TTC27: variants seen among roughly 807,000 people sequenced by gnomAD.
The protein encoded by TTC27 is tetratricopeptide repeat protein 27.
A neutral mutation model predicts 115.9 loss-of-function variants in TTC27; 79 were observed. That is an observed-to-expected ratio of 0.68 (90% CI 0.57 to 0.82). The LOEUF (loss-of-function observed/expected upper bound fraction) is 0.82. TTC27 is among the 40% of genes least tolerant of loss of function. The pLI is 0.00. For missense variants in TTC27, 1,054 were observed against 993.1 expected (o/e 1.06, Z -0.82); for synonymous variants, 401 against 356.0 (o/e 1.13, Z -1.42).
chr2:32,666,577 T>G, intron 6 of TTC27, 58 bp from the exon 7 acceptor site: 1 of 1,573,132 alleles, frequency 6.4e-7, no homozygotes, highest in Admixed American at 1.8e-5. Context: ...TTACTCTTCA[T>G]GACTGTACAG....
chr2:32,685,756 A>G (rs1666607299), intron 9 of TTC27, among the ~76,000 whole-genome samples: 1 of 152,362 alleles, frequency 6.6e-6, no homozygotes, highest in Middle Eastern at 3.4e-3. Flanking sequence ...AGCTAAAATC[A>G]TTATTGGTGA....
chr2:32,643,571 T>C (rs2151865287), intron 4 of TTC27, among the ~76,000 whole-genome samples: 1 of 152,046 alleles, frequency 6.6e-6, no homozygotes, highest in South Asian at 2.1e-4. Flanking sequence ...CCTTCCAAAG[T>C]GCTAGGATTA....
At chr2:32,789,406 G>A (rs1301928862) in intron 16 of TTC27, among the ~76,000 whole-genome samples, 2 of 152,144 alleles carry the variant, frequency 1.3e-5, no homozygotes, top group East Asian at 3.8e-4. Flanking sequence ...ATGTTTAGAT[G>A]ATACTTCTGT....
intron 13 of TTC27, among the ~76,000 whole-genome samples, chr2:32,761,084 G>A (rs1558329991): frequency 6.6e-6 from 1 of 151,978 alleles, no homozygotes; most frequent in Admixed American, 6.6e-5. Flanking sequence ...CTGCTTACGC[G>A]ATCTCCCCAT....
intron 16 of TTC27, 118 bp downstream of exon 16, chr2:32,787,267 G>A (rs1402759376): frequency 9.0e-7 from 1 of 1,111,988 alleles, no homozygotes; most frequent in Non-Finnish European, 1.3e-6. Context: ...TGTAACATAT[G>A]AAAAGGGTAT....
intron 16 of TTC27, among the ~76,000 whole-genome samples, chr2:32,791,213 C>G (rs1670523616): frequency 6.6e-6 from 1 of 152,082 alleles, no homozygotes; most frequent in South Asian, 2.1e-4. Flanking sequence ...CAGACGAATC[C>G]TCATATATAG....
At chr2:32,678,654 C>T (rs1296542458) in intron 8 of TTC27, among the ~76,000 whole-genome samples, 2 of 152,012 alleles carry the variant, frequency 1.3e-5, no homozygotes, top group East Asian at 1.9e-4. Flanking sequence ...GTCTTGATCT[C>T]CTGACCTTGT....
intron 13 of TTC27, among the ~76,000 whole-genome samples, chr2:32,770,325 G>A (rs891039801): frequency 1.3e-5 from 2 of 152,200 alleles, no homozygotes; most frequent in African/African-American, 4.8e-5. Context: ...AGAGGGTTAA[G>A]TAATTTGTAC....
intron 12 of TTC27, among the ~76,000 whole-genome samples, chr2:32,754,211 A>G (rs912677277): frequency 2.0e-5 from 3 of 149,758 alleles, no homozygotes; most frequent in Admixed American, 6.7e-5. Flanking sequence ...TGCCAGGGTC[A>G]TAGGACAATA....
chr2:32,692,112 C>A (rs995693354), intron 9 of TTC27, among the ~76,000 whole-genome samples: 1 of 121,486 alleles, frequency 8.2e-6, no homozygotes, highest in Non-Finnish European at 1.6e-5. Flanking sequence ...AACTCCTGGG[C>A]TCAAGTGTTC....
At chr2:32,651,079 C>T (rs1339575273) in intron 5 of TTC27, among the ~76,000 whole-genome samples, 1 of 152,024 alleles carries the variant, frequency 6.6e-6, no homozygotes, top group Non-Finnish European at 1.5e-5. Flanking sequence ...TGAACTTGGA[C>T]TTGACCATGA....
At chr2:32,785,363 A>C (rs1234848187) in intron 15 of TTC27, among the ~76,000 whole-genome samples, 2 of 152,150 alleles carry the variant, frequency 1.3e-5, no homozygotes, top group African/African-American at 4.8e-5. Context: ...TCATTTCTGG[A>C]AAATTCTCTG....
intron 3 of TTC27, among the ~76,000 whole-genome samples, chr2:32,638,602 C>T (rs1664517627): frequency 6.6e-6 from 1 of 152,148 alleles, no homozygotes; most frequent in South Asian, 2.1e-4. Flanking sequence ...TGTTCTCGAA[C>T]TCCTGACCTC....
chr2:32,782,578 T>G, intron 14 of TTC27, 48 bp from the exon 15 acceptor site: 1 of 1,565,524 alleles, frequency 6.4e-7, no homozygotes, highest in Non-Finnish European at 8.8e-7. Flanking sequence ...AAGCAATAAT[T>G]TTACCTAAAT....
rs1393963789 is a variant in TTC27, at chr2:32,647,536, G to A, written c.538-2595G>A. On this transcript the variant is annotated intron_variant, in intron 4 of 19. Transcript: ENST00000317907. ...AACAGTATTAATTTGAAAGGATTTT[G>A]TCATGGAGTCAAAATTCATTTGTGG... 2.0e-5 allele frequency among the ~76,000 whole-genome samples: 3 copies of A among 152,202 alleles called. No homozygotes were observed. In the East Asian group the frequency reaches 5.8e-4, roughly 29 times the overall value.
chr2:32,763,359 A>G lies in TTC27; in HGVS notation c.1680+4840A>G, dbSNP rs961011821. Among the ~76,000 whole-genome samples, 5 of 152,222 alleles carry G rather than the reference A, an allele frequency of 3.3e-5. No individual in the cohort carries two copies. In the East Asian group the frequency reaches 9.6e-4, roughly 29 times the overall value. ...AGACCTGCAATAAAGGGAAAATAGA[A>G]ACATGGAATTTAAAAAAATTCTATC... On this transcript the variant is annotated intron_variant, in intron 13 of 19. Transcript: ENST00000317907.
chr2:32,758,875 G>C (rs1669336816), intron 13 of TTC27, among the ~76,000 whole-genome samples: 1 of 152,098 alleles, frequency 6.6e-6, no homozygotes, highest in South Asian at 2.1e-4. Context: ...GACTTTGCAA[G>C]TATTTGCTGA....
At chr2:32,637,051 GA>G (rs988085146) in intron 3 of TTC27, among the ~76,000 whole-genome samples, 4 of 152,192 alleles carry the variant, frequency 2.6e-5, no homozygotes, top group African/African-American at 9.6e-5. Flanking sequence ...TTTTTTATTG[GA>G]ACTACTGCCA....
At chr2:32,689,505 T>A (rs1425742273) in intron 9 of TTC27, among the ~76,000 whole-genome samples, 1 of 152,108 alleles carries the variant, frequency 6.6e-6, no homozygotes, top group Non-Finnish European at 1.5e-5. Context: ...CAATAGGAAA[T>A]TGCTTAGTGT....
Sources: allele counts gnomAD v4.1 joint callset (sites outside exome capture counted in the v4.1 genomes callset), GRCh38; gene constraint gnomAD v4.1.1; transcripts MANE v1.5; gene names NCBI Gene and HGNC (gene_info 2026-07-23, HGNC 2026-07-21).